The following LIPM variants were observed in gnomAD, a reference collection of about 807,000 sequenced individuals.
The protein encoded by LIPM is lipase member M.
LIPM carries 42 observed loss-of-function variants against 42.4 expected under a neutral mutation model. The observed-to-expected ratio is 0.99, with a 90% CI of 0.77 to 1.28. LIPM has a LOEUF of 1.28. LIPM is among the 50% of genes most tolerant of loss of function. The pLI is 0.00. For missense variants in LIPM, 524 were observed against 520.1 expected, an observed-to-expected ratio of 1.01 and a Z score of -0.07; for synonymous variants, 177 against 173.3, an observed-to-expected ratio of 1.02 and a Z score of -0.17.
chr10:88,812,347 G>A (rs1248455606), intron 2 of LIPM, among the ~76,000 whole-genome samples: 3 of 152,124 alleles, frequency 2.0e-5, no homozygotes, highest in African/African-American at 7.2e-5. Flanking sequence ...TAACAAATAA[G>A]TTATGGGAAG....
chr10:88,809,597 T>G (rs1280437988), intron 2 of LIPM, among the ~76,000 whole-genome samples: 1 of 152,214 alleles, frequency 6.6e-6, no homozygotes, highest in Non-Finnish European at 1.5e-5. Context: ...GCCCAAAACG[T>G]CTGTGCTAGT....
At chr10:88,815,830 C>A (rs530881825) in intron 6 of LIPM, among the ~76,000 whole-genome samples, 8 of 152,270 alleles carry the variant, frequency 5.3e-5, no homozygotes, top group African/African-American at 1.7e-4. Flanking sequence ...CCACCTCTAC[C>A]CTGCACTGGG....
At position 88,816,926 on chromosome 10, in the gene LIPM, G is replaced by C. The variant is rs998259796; in HGVS notation, c.930+39G>C. On this transcript the variant is annotated intron_variant, in intron 7 of 8. Coordinates refer to ENST00000404743, the MANE Select transcript of LIPM (RefSeq NM_001128215.1). ...ATTTGCAGTCTTTGCTAAATGTCCTGTTATATTTTGTGTAGAATAGTCAAA... is the reference window on the plus strand; with the variant it reads ...ATTTGCAGTCTTTGCTAAATGTCCTCTTATATTTTGTGTAGAATAGTCAAA... The C allele has an allele frequency of 3.5e-6, 5 of 1,427,492 alleles. No homozygotes were observed. The African/African-American group carries it at 7.1e-5, about 20-fold the overall frequency. 88.4% of individuals were successfully genotyped at this position (1,427,492 alleles called of 1,614,324 possible). A position where few individuals can be genotyped will look rare whatever the true frequency, so the allele number is the denominator to read the frequency against.
chr10:88,817,817 C>T lies in LIPM; in HGVS notation c.931-8C>T. ...TGGAATTCCTTGTAAATTTTTGTCT[C>T]CTTTTAGGCAGTGAATTCTGGTGAA... On this transcript the variant is annotated splice_region_variant and splice_polypyrimidine_tract_variant and intron_variant, in intron 7 of 8. Transcript: ENST00000404743. The T allele has an allele frequency of 6.5e-7, 1 of 1,550,160 alleles. No individual in the cohort carries two copies. The highest frequency in any genetic ancestry group is 8.7e-7 in the Non-Finnish European group (1 of 1,145,760).
chr10:88,814,464 TC>T (rs113548543), intron 3 of LIPM, 65 bp from the exon 4 acceptor site: 6 of 1,075,642 alleles, frequency 5.6e-6, no homozygotes, highest in Non-Finnish European at 8.3e-6. Flanking sequence ...AAACCTGGTG[TC>T]GGGGGGAGCT....
chr10:88,802,951 C>T lies in LIPM; in HGVS notation c.55C>T (p.Leu19Phe). The change falls in exon 1 of 9, where the codon CTT becomes TTT. Residue 19 changes from leucine (L) to phenylalanine (F), a missense_variant. By Grantham distance (22) the Leu-to-Phe change is conservative. Coordinates refer to ENST00000404743, the MANE Select transcript of LIPM (RefSeq NM_001128215.1). ...WIVSHRMEMW[L>F]LILVAYMFQR... Reference sequence around the variant, plus strand: ...TGTCTCACACAGAATGGAAATGTGGCTTCTGATTCTGGTGGCGTATATGTT... The same window carrying T: ...TGTCTCACACAGAATGGAAATGTGGTTTCTGATTCTGGTGGCGTATATGTT... 6.4e-7 allele frequency: 1 copy of T among 1,551,190 alleles called. No homozygotes were observed. The highest frequency in any genetic ancestry group is 8.7e-7 in the Non-Finnish European group (1 of 1,146,670).
chr10:88,819,045 G>C (rs1843753713), intron 8 of LIPM, among the ~76,000 whole-genome samples: 1 of 147,296 alleles, frequency 6.8e-6, no homozygotes, highest in Non-Finnish European at 1.5e-5. Flanking sequence ...ACGCCACCAT[G>C]CTCAGCTAAT....
chr10:88,818,015 A>G, intron 8 of LIPM, 119 bp downstream of exon 8: 1 of 807,210 alleles, frequency 1.2e-6, no homozygotes, highest in South Asian at 1.7e-5. Context: ...AGCAGAAAAT[A>G]ATGGTTCATG....
In LIPM at chr10:88,820,321, C is replaced by T. The variant is rs561105193; in HGVS notation, c.1092C>T (p.Asp364=). ...AGGACTGGCTTTCAAATCCAGAAGA[C>T]GTGAAAATGCTGCTCTCTGAGGTGA... ...GGQDWLSNPE[D]VKMLLSEVTN... Residue 364 remains aspartate, a synonymous_variant, in exon 9 of 9, where the codon GAC becomes GAT. Coordinates refer to ENST00000404743, the MANE Select transcript of LIPM (RefSeq NM_001128215.1). The T allele has an allele frequency of 3.1e-5, 48 of 1,552,132 alleles. No individual in the cohort carries two copies. Among genetic ancestry groups the T allele is most frequent in the Middle Eastern group, 1.7e-4 (1 of 5,996 alleles).
At chr10:88,807,745 C>T (rs1282333760) in intron 1 of LIPM, among the ~76,000 whole-genome samples, 1 of 152,146 alleles carries the variant, frequency 6.6e-6, no homozygotes, top group Admixed American at 6.5e-5. Flanking sequence ...CTGGAAAGAA[C>T]CTTAGGAAAT....
chr10:88,812,098 C>T (rs1161780313), intron 2 of LIPM, among the ~76,000 whole-genome samples: 3 of 152,074 alleles, frequency 2.0e-5, no homozygotes, highest in Non-Finnish European at 4.4e-5. Context: ...TTGATTTTTG[C>T]ATTTTTGAAG....
chr10:88,812,797 GATA>G (rs1843669953), intron 2 of LIPM, among the ~76,000 whole-genome samples: 1 of 152,164 alleles, frequency 6.6e-6, no homozygotes, highest in East Asian at 1.9e-4. Flanking sequence ...AGACAAGTCT[GATA>G]ATAATTACAC....
At position 88,820,262 on chromosome 10, in the gene LIPM, A is replaced by G. The variant is rs1843771700; in HGVS notation, c.1033A>G (p.Met345Val). The change falls in exon 9 of 9, where the codon ATG becomes GTG. Residue 345 changes from methionine (M) to valine (V), a missense_variant. Coordinates refer to ENST00000404743, the MANE Select transcript of LIPM (RefSeq NM_001128215.1). ...PTPVRYRVRD[M>V]TVPTAMWTGG... ...TCCTGTAAGGTACAGAGTCAGAGAT[A>G]TGACGGTCCCTACAGCAATGTGGAC... 2 of 1,551,636 alleles carry G rather than the reference A, an allele frequency of 1.3e-6. No individual in the cohort carries two copies. The highest frequency in any genetic ancestry group is 1.4e-5 in the African/African-American group (1 of 73,048).
intron 1 of LIPM, chr10:88,805,801 T>C (rs1355458820): frequency 6.4e-6 from 2 of 311,466 alleles, no homozygotes; most frequent in African/African-American, 2.2e-5. Flanking sequence ...GCAGAATTCA[T>C]ACAATAATGT....
rs1843704546 is a variant in LIPM at position 88,815,228 on chromosome 10, T to C, written c.711+4T>C. On this transcript the variant is annotated splice_donor_region_variant and intron_variant, in intron 5 of 8. Transcript: ENST00000404743. ...GCTGCCAGATATGATGATCAAGGTA[T>C]GAGACTCCTCAGAAAACTTCCTGTG... is the stretch of plus-strand genomic sequence containing the variant. 6.4e-7 allele frequency: 1 copy of C among 1,550,494 alleles called. No individual in the cohort carries two copies. The highest frequency in any genetic ancestry group is 1.2e-5 in the South Asian group (1 of 83,478).
At chr10:88,803,663 G>T in intron 1 of LIPM, among the ~76,000 whole-genome samples, 1 of 141,048 alleles carries the variant, frequency 7.1e-6, no homozygotes, top group African/African-American at 2.6e-5. Context: ...ATTCTAAGCT[G>T]GGTTTTAGTA....
At chr10:88,807,029 A>G (rs1268719181) in intron 1 of LIPM, among the ~76,000 whole-genome samples, 1 of 152,180 alleles carries the variant, frequency 6.6e-6, no homozygotes, top group Non-Finnish European at 1.5e-5. Context: ...GGTGTCTCAC[A>G]CACATACATG....
At position 88,808,404 on chromosome 10, in the gene LIPM, C is replaced by T. The variant is rs892932409; in HGVS notation, c.254C>T (p.Pro85Leu). The change falls in exon 2 of 9, where the codon CCT becomes CTT. Residue 85 changes from proline (P) to leucine (L), a missense_variant. Physicochemically the swap from Pro to Leu is moderately conservative, Grantham distance 98. Coordinates refer to ENST00000404743, the MANE Select transcript of LIPM (RefSeq NM_001128215.1). ...AGGATTCCTCGAGGCCTAGTGCAACCTAAGAAGACAGGTGTGGGTCACCCC... is the reference window on the plus strand; with the variant it reads ...AGGATTCCTCGAGGCCTAGTGCAACTTAAGAAGACAGGTGTGGGTCACCCC... ...VNRIPRGLVQ[P>L]KKTGSRPVVL... 27 of 1,546,900 alleles carry T rather than the reference C, an allele frequency of 1.7e-5. No individual in the cohort carries two copies. Among genetic ancestry groups the T allele is most frequent in the Admixed American group, 2.0e-5 (1 of 50,968 alleles).
At chr10:88,815,003 G>T in intron 4 of LIPM, 85 bp from the exon 5 acceptor site, 1 of 1,215,358 alleles carries the variant, frequency 8.2e-7, no homozygotes. Context: ...TATACTTATT[G>T]AAATATGTAT....
Sources: gnomAD v4.1 joint callset for allele counts (sites outside exome capture counted in the v4.1 genomes callset) on GRCh38, gnomAD v4.1.1 for gene constraint, MANE v1.5 for transcripts, NCBI Gene and HGNC (gene_info 2026-07-23, HGNC 2026-07-21) for gene names.